Variants in MAPT observed in about 807,000 individuals in gnomAD.
The protein encoded by MAPT is microtubule-associated protein tau.
In MAPT, 34 loss-of-function variants were observed where a neutral mutation model predicts 67.9. The observed-to-expected ratio is 0.50, with a 90% CI of 0.38 to 0.67. The LOEUF is 0.67. Ranked by LOEUF, MAPT falls within the 30% of genes least tolerant of loss-of-function variation. The pLI, the probability that MAPT is intolerant of heterozygous loss-of-function variation, is 0.00. For missense variants in MAPT, 881 were observed against 1,115.2 expected (o/e 0.79, Z 2.99); for synonymous variants, 456 against 464.5 (o/e 0.98, Z 0.23).
intron 1 of MAPT, among the ~76,000 whole-genome samples, chr17:45,960,899 T>C (rs1447786176): frequency 6.6e-6 from 1 of 151,616 alleles, no homozygotes; most frequent in Non-Finnish European, 1.5e-5. Context: ...TATGAAAATA[T>C]GCAAATGTGT....
chr17:45,953,696 G>C (rs1278987066), intron 1 of MAPT, among the ~76,000 whole-genome samples: 1 of 152,176 alleles, frequency 6.6e-6, no homozygotes, highest in Admixed American at 6.5e-5. Flanking sequence ...GATGGTGGAG[G>C]GGGAGGGGAA....
intron 1 of MAPT, among the ~76,000 whole-genome samples, chr17:45,955,772 A>G (rs1484867048): frequency 2.7e-5 from 4 of 149,724 alleles, no homozygotes; most frequent in African/African-American, 4.9e-5. Flanking sequence ...GTCTCACTCT[A>G]TTGCCCAGGC....
chr17:46,008,177 A>G (rs569848215), intron 9 of MAPT, among the ~76,000 whole-genome samples: 71 of 152,240 alleles, frequency 4.7e-4, no homozygotes, highest in African/African-American at 1.7e-3. Flanking sequence ...GCTCACTGCA[A>G]CCTCCATCTC....
At chr17:45,977,597 T>C (rs2072504611) in intron 3 of MAPT, 1 of 152,290 alleles carries the variant, frequency 6.6e-6, no homozygotes, top group Non-Finnish European at 1.5e-5. Context: ...GTACTATTAA[T>C]GTGGTCAGGA....
At chr17:45,937,182 T>C (rs1470705419) in intron 1 of MAPT, among the ~76,000 whole-genome samples, 1 of 152,060 alleles carries the variant, frequency 6.6e-6, no homozygotes, top group Non-Finnish European at 1.5e-5. Flanking sequence ...TGTGCAGAGG[T>C]TGGAGCCATA....
Position 45,996,808 on chromosome 17 carries a change from C to T in MAPT, c.1998+144C>T. 2.6e-6 allele frequency: 3 copies of T among 1,134,058 alleles called. No individual in the cohort carries two copies. The highest frequency in any genetic ancestry group is 3.7e-6 in the Non-Finnish European group (3 of 808,214). The allele number at this position is 1,134,058 out of a possible 1,614,324, so 70.2% of individuals were successfully genotyped here. ...GTGCATGGAGGTGTGGGGCTCCCCGCACCTGAGCACCCCCGCATAACACCC... is the reference window on the plus strand; with the variant it reads ...GTGCATGGAGGTGTGGGGCTCCCCGTACCTGAGCACCCCCGCATAACACCC... On this transcript the variant is annotated intron_variant, in intron 9 of 12. Coordinates refer to ENST00000262410, the MANE Select transcript of MAPT (RefSeq NM_001377265.1). This position sits in a 1 kb window ranked among gnomAD's most constrained non-coding sequence, Gnocchi z 4.5.
At chr17:45,929,407 G>T (rs2066648660) in intron 1 of MAPT, among the ~76,000 whole-genome samples, 1 of 152,186 alleles carries the variant, frequency 6.6e-6, no homozygotes, top group Admixed American at 6.5e-5. Flanking sequence ...AAAGAAATTG[G>T]TTATTTATAT....
chr17:45,938,187 G>T (rs188178521), intron 1 of MAPT, among the ~76,000 whole-genome samples: 15 of 152,336 alleles, frequency 9.8e-5, no homozygotes, highest in African/African-American at 2.9e-4. Context: ...GAGGCCAGAA[G>T]CCCTCCATAG....
Position 45,915,440 on chromosome 17 carries a change from A to G in MAPT, c.-18+20754A>G, listed in dbSNP as rs62056851. Among the ~76,000 whole-genome samples the G allele has an allele frequency of 0.15, 21,488 of 147,238 alleles. 2,000 individuals are homozygous for G. Among genetic ancestry groups the G allele is most frequent in the Non-Finnish European group, 0.22 (14,547 of 66,772 alleles). On this transcript the variant is annotated intron_variant, in intron 1 of 12. Coordinates refer to ENST00000262410, the MANE Select transcript of MAPT (RefSeq NM_001377265.1). The surrounding 1 kb of genome is among the most constrained non-coding windows in gnomAD (Gnocchi z 4.4). Reference sequence around the variant, plus strand: ...GGCATGTGATGTGTGTGTGGTGTGTAAGCATGTGTGAGTGTGTATGTTTGA... The same window carrying G: ...GGCATGTGATGTGTGTGTGGTGTGTGAGCATGTGTGAGTGTGTATGTTTGA...
chr17:45,964,796 C>G (rs955577860), intron 2 of MAPT, among the ~76,000 whole-genome samples: 2 of 152,120 alleles, frequency 1.3e-5, no homozygotes, highest in East Asian at 3.9e-4. Flanking sequence ...CTCTCCTTCT[C>G]TCCCCACTCC....
At position 46,027,102 on chromosome 17, in the gene MAPT, G is replaced by C. The variant is rs536017906; in HGVS notation, c.*2931G>C. 11 of 152,172 alleles carry C rather than the reference G, an allele frequency of 7.2e-5. No homozygotes were observed. Among genetic ancestry groups the C allele is most frequent in the Non-Finnish European group, 1.6e-4 (11 of 68,052 alleles). The allele number at this position is 152,172 out of a possible 1,614,324, so 9.4% of individuals were successfully genotyped here. A position where few individuals can be genotyped will look rare whatever the true frequency, so the allele number is the denominator to read the frequency against. On this transcript the variant is annotated 3_prime_UTR_variant, in exon 13 of 13. Coordinates refer to ENST00000262410, the MANE Select transcript of MAPT (RefSeq NM_001377265.1). ...GAAATGTGGGGTAGATTTGGTGGTG[G>C]TTAGAGATATGCCCCCCTCATTACT...
intron 6 of MAPT, among the ~76,000 whole-genome samples, chr17:45,989,487 A>G (rs1008554292): frequency 4.1e-5 from 6 of 146,672 alleles, no homozygotes; most frequent in Admixed American, 6.9e-5. Context: ...CATCTCTACT[A>G]AAAATACAAA....
At position 45,953,304 on chromosome 17, in the gene MAPT, G is replaced by A. The variant is rs2471736; in HGVS notation, c.-17-9017G>A. On this transcript the variant is annotated intron_variant, in intron 1 of 12. Transcript: ENST00000262410. ...CTATTTTCTGCCTATGTCAAGTAGC[G>A]CCTCAAGGATGCTCCTGAAAATGGG... Among the ~76,000 whole-genome samples the A allele has an allele frequency of 7.0e-3, 1,061 of 152,302 alleles. 5 individuals carry two copies. The highest frequency in any genetic ancestry group is 0.012 in the Non-Finnish European group (793 of 68,016).
At chr17:45,908,922 A>G (rs986346099) in intron 1 of MAPT, among the ~76,000 whole-genome samples, 2 of 152,206 alleles carry the variant, frequency 1.3e-5, no homozygotes, top group African/African-American at 4.8e-5. Flanking sequence ...ATTTCAGCCT[A>G]TAAATTGTAT....
chr17:45,956,176 T>C (rs1444886368), intron 1 of MAPT, among the ~76,000 whole-genome samples: 2 of 152,240 alleles, frequency 1.3e-5, no homozygotes, highest in Non-Finnish European at 2.9e-5. Flanking sequence ...TTTGACCTGC[T>C]CTGTCTCTGT....
intron 1 of MAPT, among the ~76,000 whole-genome samples, chr17:45,956,098 G>A (rs974428072): frequency 1.3e-5 from 2 of 152,190 alleles, no homozygotes; most frequent in Non-Finnish European, 2.9e-5. Flanking sequence ...ATTTTAAGTG[G>A]CCAGGGTCTA....
chr17:45,921,540 C>T (rs1016379554), intron 1 of MAPT, among the ~76,000 whole-genome samples: 6 of 152,204 alleles, frequency 3.9e-5, no homozygotes, highest in Non-Finnish European at 8.8e-5. Flanking sequence ...AGCATCATGT[C>T]ACCCGGTGCC....
At chr17:45,946,146 GA>G (rs1416194037) in intron 1 of MAPT, among the ~76,000 whole-genome samples, 1 of 152,024 alleles carries the variant, frequency 6.6e-6, no homozygotes. Flanking sequence ...GACATCAGAG[GA>G]AACTGCTTCT....
rs941550711 is a variant in MAPT at position 45,937,405 on chromosome 17, T to C, written c.-17-24916T>C. ...GAGTTTGAGACCAGCCTGGGCAATG[T>C]AGCAAGACCCTATCTCTACAAAAAG... On this transcript the variant is annotated intron_variant, in intron 1 of 12. Coordinates refer to ENST00000262410, the MANE Select transcript of MAPT (RefSeq NM_001377265.1). Among the ~76,000 whole-genome samples the C allele has an allele frequency of 2.6e-5, 4 of 152,032 alleles. No homozygotes were observed. The South Asian group carries it at 6.2e-4, about 24-fold the overall frequency.
Sources: allele counts gnomAD v4.1 joint callset (sites outside exome capture counted in the v4.1 genomes callset), GRCh38; gene constraint gnomAD v4.1.1; non-coding constraint Gnocchi (gnomAD v3.1); transcripts MANE v1.5; gene names NCBI Gene and HGNC (gene_info 2026-07-23, HGNC 2026-07-21).